EEF1A1: variants seen among roughly 807,000 people sequenced by gnomAD.
The protein encoded by EEF1A1 is eukaryotic translation elongation factor 1 alpha 1.
A neutral mutation model predicts 38.5 loss-of-function variants in EEF1A1; 1 was observed. That is an observed-to-expected ratio of 0.03 (90% confidence interval 0.01 to 0.12). The LOEUF is 0.12. EEF1A1 is among the 10% of genes least tolerant of loss of function. EEF1A1 has a pLI of 1.00. For missense variants in EEF1A1, 184 were observed against 588.3 expected (o/e 0.31, Z 7.11); for synonymous variants, 229 against 203.7 (o/e 1.12, Z -1.06).
rs1028876346 is a variant in EEF1A1, at chr6:73,516,709, T to A, written c.*1101A>T. On this transcript the variant is annotated 3_prime_UTR_variant, in exon 8 of 8. Transcript: ENST00000309268. ...AAAAAAACCTTTAGACACTTTTACA[T>A]ATGGGAGGTCAGGCACAGTGGCTCA... The A allele has an allele frequency of 1.3e-5, 2 of 151,928 alleles. No homozygotes were observed. Among genetic ancestry groups the A allele is most frequent in the African/African-American group, 4.8e-5 (2 of 41,340 alleles). The allele number at this position is 151,928 out of a possible 1,614,324, so 9.4% of individuals were successfully genotyped here. A position where few individuals can be genotyped will look rare whatever the true frequency, so the allele number is the denominator to read the frequency against.
Position 73,516,321 on chromosome 6 carries a change from A to G in EEF1A1, c.*1489T>C, listed in dbSNP as rs1342306771. On this transcript the variant is annotated 3_prime_UTR_variant, in exon 8 of 8. Transcript: ENST00000309268. ...AACTCCTGCTTAGCATGTCCTTAAG[A>G]ACACATGTCCTGGCCAGGCATGGTG... is the stretch of plus-strand genomic sequence containing the variant. 1 of 152,228 alleles carries G rather than the reference A, an allele frequency of 6.6e-6. No homozygotes were observed. The highest frequency in any genetic ancestry group is 1.5e-5 in the Non-Finnish European group (1 of 68,064). 9.4% of individuals were successfully genotyped at this position (152,228 alleles called of 1,614,324 possible). A position where few individuals can be genotyped will look rare whatever the true frequency, so the allele number is the denominator to read the frequency against.
chr6:73,517,050 T>C lies in EEF1A1; in HGVS notation c.*760A>G, dbSNP rs187330951. 548 of 152,400 alleles carry C rather than the reference T, an allele frequency of 3.6e-3. 1 individual carries two copies. The highest frequency in any genetic ancestry group is 6.8e-3 in the Middle Eastern group (2 of 294). 9.4% of individuals were successfully genotyped at this position (152,400 alleles called of 1,614,324 possible). A position where few individuals can be genotyped will look rare whatever the true frequency, so the allele number is the denominator to read the frequency against. On this transcript the variant is annotated 3_prime_UTR_variant, in exon 8 of 8. Transcript: ENST00000309268. The stretch of plus-strand genomic sequence containing the variant: ...CAAACTGGCATAAAGCTTACTCCAC[T>C]GACTTCAAAATGGACCCTTCCACTC...
In EEF1A1 at chr6:73,518,012, T is replaced by G. The variant is rs764250709; in HGVS notation, c.1264+18A>C. ...CATCTTTAACACAACTTTTTTACAT[T>G]TAAGTAGTCATCCTTACCCAAAGGT... On this transcript the variant is annotated intron_variant, in intron 7 of 7. Coordinates refer to ENST00000309268, the MANE Select transcript of EEF1A1 (RefSeq NM_001402.6). 3.1e-6 allele frequency: 5 copies of G among 1,607,376 alleles called. No homozygotes were observed. Among genetic ancestry groups the G allele is most frequent in the Non-Finnish European group, 3.4e-6 (4 of 1,175,948 alleles).
At position 73,518,659 on chromosome 6, in the gene EEF1A1, C is replaced by CT. The variant is rs763922423; in HGVS notation, c.772+38dup. On this transcript the variant is annotated intron_variant, in intron 5 of 7. Transcript: ENST00000309268. ...AATACCTATGAAGGCAGACAGTACTCTATCAACTCAAATTCAACTTTGTTT... is the reference window on the plus strand; with the variant it reads ...AATACCTATGAAGGCAGACAGTACTCTTATCAACTCAAATTCAACTTTGTTT... 9.9e-6 allele frequency: 16 copies of CT among 1,613,074 alleles called. No individual in the cohort carries two copies. In the African/African-American group the frequency reaches 1.5e-4, roughly 15 times the overall value.
intron 5 of EEF1A1, 34 bp downstream of exon 5, chr6:73,518,664 A>G (rs754304691): frequency 1.2e-6 from 2 of 1,613,166 alleles, no homozygotes; most frequent in East Asian, 4.5e-5. Context: ...GTACTCTATC[A>G]ACTCAAATTC....
intron 5 of EEF1A1, 35 bp downstream of exon 5, chr6:73,518,661 ATC>A: frequency 6.2e-7 from 1 of 1,613,224 alleles, no homozygotes; most frequent in Non-Finnish European, 8.5e-7. Context: ...ACAGTACTCT[ATC>A]AACTCAAATT....
rs1199820745 is a variant in EEF1A1, at chr6:73,518,681, G to A, written c.772+17C>T. 2 of 1,613,590 alleles carry A rather than the reference G, an allele frequency of 1.2e-6. No homozygotes were observed. Among genetic ancestry groups the A allele is most frequent in the South Asian group, 1.1e-5 (1 of 91,062 alleles). On this transcript the variant is annotated intron_variant, in intron 5 of 7. Transcript: ENST00000309268. ...ACTCTATCAACTCAAATTCAACTTT[G>A]TTTACAGCCAACTTACCACCAATTT...
rs1561962719 is a variant in EEF1A1, at chr6:73,518,567, G to T, written c.816C>A (p.Leu272=). The change falls in exon 6 of 8, where the codon CTC becomes CTA. Residue 272 remains leucine (L), a synonymous_variant. Transcript: ENST00000309268. ...CAAAGGTGACCACCATACCGGGTTT[G>T]AGAACACCAGTCTCCACTCGGCCAA... ...VPVGRVETGV[L]KPGMVVTFAP... 2.0e-5 allele frequency: 32 copies of T among 1,613,720 alleles called. No individual in the cohort carries two copies. Among genetic ancestry groups the T allele is most frequent in the Non-Finnish European group, 2.7e-5 (32 of 1,179,706 alleles).
In EEF1A1 at chr6:73,516,752, G is replaced by T. The variant is rs996049923; in HGVS notation, c.*1058C>A. On this transcript the variant is annotated 3_prime_UTR_variant, in exon 8 of 8. Coordinates refer to ENST00000309268, the MANE Select transcript of EEF1A1 (RefSeq NM_001402.6). ...GTGGCTCATGCCTGTAATCCCAGCA[G>T]GAAGATCGCGAAAAGCATTTTTCAA... is the stretch of plus-strand genomic sequence containing the variant. 6.6e-6 allele frequency: 1 copy of T among 152,134 alleles called. No homozygotes were observed. Among genetic ancestry groups the T allele is most frequent in the Non-Finnish European group, 1.5e-5 (1 of 68,028 alleles). 9.4% of individuals were successfully genotyped at this position (152,134 alleles called of 1,614,324 possible).
rs1380812028 is a variant in EEF1A1 at position 73,519,967 on chromosome 6, C to T, written c.60G>A (p.Lys20=). The T allele has an allele frequency of 6.2e-7, 1 of 1,605,622 alleles. No homozygotes were observed. The highest frequency in any genetic ancestry group is 1.1e-5 in the South Asian group (1 of 91,036). ...AGATCAGATGGCCAGTAGTGGTGGACTTGCCCGAATCTACGTGTCCAATGA... is the reference window on the plus strand; with the variant it reads ...AGATCAGATGGCCAGTAGTGGTGGATTTGCCCGAATCTACGTGTCCAATGA... ...IVVIGHVDSG[K]STTTGHLIYK... is the part of the protein sequence containing the mutation. The change falls in exon 2 of 8, where the codon AAG becomes AAA. Residue 20 remains lysine (K), a synonymous_variant. Transcript: ENST00000309268.
chr6:73,515,841 TTCACAGGAAGTTAA>T lies in EEF1A1; in HGVS notation c.*1955_*1968del, dbSNP rs755196687. 5 of 152,132 alleles carry T rather than the reference TTCACAGGAAGTTAA, an allele frequency of 3.3e-5. No homozygotes were observed. The highest frequency in any genetic ancestry group is 7.3e-5 in the Non-Finnish European group (5 of 68,042). 9.4% of individuals were successfully genotyped at this position (152,132 alleles called of 1,614,324 possible). On this transcript the variant is annotated 3_prime_UTR_variant, in exon 8 of 8. Coordinates refer to ENST00000309268, the MANE Select transcript of EEF1A1 (RefSeq NM_001402.6). ...GCCACAGTTGTCTAAGACACTGGGT[TTCACAGGAAGTTAA>T]TCTCAATCTCAGTATATGCAAGTAA...
chr6:73,519,556 A>C, intron 2 of EEF1A1, 40 bp from the exon 3 acceptor site: 1 of 1,546,038 alleles, frequency 6.5e-7, no homozygotes, highest in Non-Finnish European at 8.7e-7. Context: ...ACTAAAACAC[A>C]AACTCCAGCT....
chr6:73,515,844 A>C lies in EEF1A1; in HGVS notation c.*1966T>G, dbSNP rs1443272113. 2 of 152,098 alleles carry C rather than the reference A, an allele frequency of 1.3e-5. No homozygotes were observed. The highest frequency in any genetic ancestry group is 2.9e-5 in the Non-Finnish European group (2 of 68,032). 9.4% of individuals were successfully genotyped at this position (152,098 alleles called of 1,614,324 possible). On this transcript the variant is annotated 3_prime_UTR_variant, in exon 8 of 8. Coordinates refer to ENST00000309268, the MANE Select transcript of EEF1A1 (RefSeq NM_001402.6). Reference sequence around the variant, plus strand: ...ACAGTTGTCTAAGACACTGGGTTTCACAGGAAGTTAATCTCAATCTCAGTA... The same window carrying C: ...ACAGTTGTCTAAGACACTGGGTTTCCCAGGAAGTTAATCTCAATCTCAGTA...
rs746148578 is a variant in EEF1A1 at position 73,519,973 on chromosome 6, C to T, written c.54G>A (p.Ser18=). ...GATGGCCAGTAGTGGTGGACTTGCC[C>T]GAATCTACGTGTCCAATGACGACAA... ...INIVVIGHVD[S]GKSTTTGHLI... is the part of the protein sequence containing the mutation. Residue 18 remains serine (S), a synonymous_variant, in exon 2 of 8, where the codon TCG becomes TCA. Transcript: ENST00000309268. The T allele has an allele frequency of 9.3e-6, 15 of 1,604,306 alleles. No homozygotes were observed. Among genetic ancestry groups the T allele is most frequent in the South Asian group, 5.5e-5 (5 of 91,016 alleles).
chr6:73,518,012 T>A lies in EEF1A1; in HGVS notation c.1264+18A>T. ...CATCTTTAACACAACTTTTTTACAT[T>A]TAAGTAGTCATCCTTACCCAAAGGT... On this transcript the variant is annotated intron_variant, in intron 7 of 7. Transcript: ENST00000309268. 1 of 1,607,376 alleles carries A rather than the reference T, an allele frequency of 6.2e-7. No individual in the cohort carries two copies. The highest frequency in any genetic ancestry group is 8.5e-7 in the Non-Finnish European group (1 of 1,175,948).
chr6:73,516,241 T>C lies in EEF1A1; in HGVS notation c.*1569A>G, dbSNP rs1765510537. 6.6e-6 allele frequency: 1 copy of C among 152,220 alleles called. No homozygotes were observed. Among genetic ancestry groups the C allele is most frequent in the Non-Finnish European group, 1.5e-5 (1 of 68,050 alleles). The allele number at this position is 152,220 out of a possible 1,614,324, so 9.4% of individuals were successfully genotyped here. On this transcript the variant is annotated 3_prime_UTR_variant, in exon 8 of 8. Transcript: ENST00000309268. ...TGGCCAATTCAAGTACCTTTGAATC[T>C]TGAGCAATACACATTGCCAGTCACT...
In EEF1A1 at chr6:73,518,060, C is replaced by T; in HGVS notation, c.1234G>A (p.Val412Ile). Residue 412 changes from valine (V) to isoleucine (I), a missense_variant, in exon 7 of 8, where the codon GTT becomes ATT. Around this residue, in one of 3 missense-constraint regions of EEF1A1, gnomAD observed 81 missense variants for 286.3 expected, o/e 0.28. Coordinates refer to ENST00000309268, the MANE Select transcript of EEF1A1 (RefSeq NM_001402.6). Reference protein sequence around the residue: ...VDMVPGKPMCVESFSDYPPLG... With the variant: ...VDMVPGKPMCIESFSDYPPLG... The stretch of plus-strand genomic sequence containing the variant: ...GGTGGATAGTCTGAGAAGCTCTCAA[C>T]ACACATGGGCTTGCCAGGAACCATA... 1 of 1,586,588 alleles carries T rather than the reference C, an allele frequency of 6.3e-7. No individual in the cohort carries two copies. The highest frequency in any genetic ancestry group is 8.6e-7 in the Non-Finnish European group (1 of 1,165,650).
At chr6:73,519,791 T>C in intron 2 of EEF1A1, 92 bp downstream of exon 2, 1 of 1,559,212 alleles carries the variant, frequency 6.4e-7, no homozygotes, top group Non-Finnish European at 8.7e-7. Flanking sequence ...CATTCAGATC[T>C]AAACCACTCA....
At chr6:73,520,093 A>T (rs1765614597) in intron 1 of EEF1A1, 37 bp from the exon 2 acceptor site, 1 of 1,543,852 alleles carries the variant, frequency 6.5e-7, no homozygotes, top group Non-Finnish European at 8.6e-7. Flanking sequence ...CCACTGTCTG[A>T]GGCTTGAGAA....
Sources: allele counts gnomAD v4.1 joint callset, GRCh38; gene constraint gnomAD v4.1.1; regional missense constraint gnomAD v4.1.1; transcripts MANE v1.5; gene names NCBI Gene and HGNC (gene_info 2026-07-23, HGNC 2026-07-21).